The following TMEM158 variants were observed in gnomAD, a reference collection of about 807,000 sequenced individuals.
TMEM158 encodes the protein 40 kDa BINP-binding protein.
Under a neutral mutation model 12.0 loss-of-function variants are expected in TMEM158, and 7 were observed. The ratio of observed to expected loss-of-function variants is 0.59; its 90% CI spans 0.33 to 1.10. The LOEUF (loss-of-function observed/expected upper bound fraction) is 1.10, where lower values mean the gene tolerates loss of function less well. TMEM158 is among the 50% of genes least tolerant of loss of function. TMEM158 has a pLI of 0.03. For synonymous variants in TMEM158, 209 were observed against 231.1 expected, an observed-to-expected ratio of 0.90 and a Z score of 0.87; for missense variants, 405 against 454.7, an observed-to-expected ratio of 0.89 and a Z score of 0.99.
In TMEM158 at chr3:45,225,816, G is replaced by T; in HGVS notation, c.212C>A (p.Ala71Glu). Residue 71 changes from alanine (A) to glutamate (E), a missense_variant, in exon 1 of 1, where the codon GCG becomes GAG. By Grantham distance (107) the Ala-to-Glu change is moderately radical. Transcript: ENST00000503771. The surrounding 1 kb of genome is among the most constrained non-coding windows in gnomAD (Gnocchi z 5.7). Reference sequence around the variant, plus strand: ...CTGCACGCTGATGTTGCACGGCGCCGCCGCCGCCGCCGCCTCCTCCGGGCC... The same window carrying T: ...CTGCACGCTGATGTTGCACGGCGCCTCCGCCGCCGCCGCCTCCTCCGGGCC... ...RPGPEEAAAA[A>E]APCNISVQRQ... 7.6e-7 allele frequency: 1 copy of T among 1,319,438 alleles called. No individual in the cohort carries two copies. The highest frequency in any genetic ancestry group is 1.9e-5 in the South Asian group (1 of 52,668). The allele number at this position is 1,319,438 out of a possible 1,614,324, so 81.7% of individuals were successfully genotyped here. A position where few individuals can be genotyped will look rare whatever the true frequency, so the allele number is the denominator to read the frequency against.
At position 45,225,096 on chromosome 3, in the gene TMEM158, A is replaced by C. The variant is rs1446344192; in HGVS notation, c.*29T>G. On this transcript the variant is annotated 3_prime_UTR_variant, in exon 1 of 1. Coordinates refer to ENST00000503771, the MANE Select transcript of TMEM158 (RefSeq NM_015444.3). This position sits in a 1 kb window ranked among gnomAD's most constrained non-coding sequence, Gnocchi z 5.7. ...GAAAGGCACCCGCGCGCGCGGACAC[A>C]GGACGGACACAGGGAGGAGCGGAGC... 8.9e-6 allele frequency: 11 copies of C among 1,233,112 alleles called. No homozygotes were observed. The East Asian group carries it at 2.3e-4, about 25-fold the overall frequency. 76.4% of individuals were successfully genotyped at this position (1,233,112 alleles called of 1,614,324 possible).
chr3:45,224,535 G>A lies in TMEM158; in HGVS notation c.*590C>T, dbSNP rs1032511647. 3.3e-5 allele frequency: 5 copies of A among 152,632 alleles called. No individual in the cohort carries two copies. In the South Asian group the frequency reaches 8.3e-4, roughly 25 times the overall value. 9.5% of individuals were successfully genotyped at this position (152,632 alleles called of 1,614,324 possible). ...CAAGAAGAAACGCCCACCAGGCCAC[G>A]TCACTGGATAGATCAACTTGGAAAA... On this transcript the variant is annotated 3_prime_UTR_variant, in exon 1 of 1. Coordinates refer to ENST00000503771, the MANE Select transcript of TMEM158 (RefSeq NM_015444.3).
chr3:45,225,964 C>T lies in TMEM158; in HGVS notation c.64G>A (p.Ala22Thr). ...CCGAGGAGGCCGGGCGCGTCCGCGGCCCCGCCGCGGACGGGCGGCAGCGGG... is the reference window on the plus strand; with the variant it reads ...CCGAGGAGGCCGGGCGCGTCCGCGGTCCCGCCGCGGACGGGCGGCAGCGGG... The part of the protein sequence containing the change: ...ACPLPPVRGG[A>T]ADAPGLLGVP... The change falls in exon 1 of 1, where the codon GCC becomes ACC. Residue 22 changes from alanine to threonine, a missense_variant. By Grantham distance (58) the Ala-to-Thr change is moderately conservative. Coordinates refer to ENST00000503771, the MANE Select transcript of TMEM158 (RefSeq NM_015444.3). The surrounding 1 kb of genome is among the most constrained non-coding windows in gnomAD (Gnocchi z 5.7). The T allele has an allele frequency of 1.8e-6, 2 of 1,124,490 alleles. No individual in the cohort carries two copies. The highest frequency in any genetic ancestry group is 2.2e-6 in the Non-Finnish European group (2 of 921,914). 69.7% of individuals were successfully genotyped at this position (1,124,490 alleles called of 1,614,324 possible). A position where few individuals can be genotyped will look rare whatever the true frequency, so the allele number is the denominator to read the frequency against.
chr3:45,225,473 G>A lies in TMEM158; in HGVS notation c.555C>T (p.Pro185=), dbSNP rs1032973632. The A allele has an allele frequency of 7.7e-6, 10 of 1,295,802 alleles. No homozygotes were observed. The highest frequency in any genetic ancestry group is 2.9e-5 in the Admixed American group (1 of 33,952). The allele number at this position is 1,295,802 out of a possible 1,614,324, so 80.3% of individuals were successfully genotyped here. The part of the protein sequence containing the change: ...ALPAYPAAEP[P]GPLWLQGEPL... The stretch of plus-strand genomic sequence containing the variant: ...GCTCGCCCTGCAGCCACAGCGGCCC[G>A]GGCGGCTCGGCCGCGGGGTAGGCTG... Residue 185 remains proline (P), a synonymous_variant, in exon 1 of 1, where the codon CCC becomes CCT. Coordinates refer to ENST00000503771, the MANE Select transcript of TMEM158 (RefSeq NM_015444.3). This position sits in a 1 kb window ranked among gnomAD's most constrained non-coding sequence, Gnocchi z 5.7.
Position 45,225,117 on chromosome 3 carries a change from G to A in TMEM158, c.*8C>T. 3 of 1,251,960 alleles carry A rather than the reference G, an allele frequency of 2.4e-6. No homozygotes were observed. The highest frequency in any genetic ancestry group is 2.0e-6 in the Non-Finnish European group (2 of 1,004,026). The allele number at this position is 1,251,960 out of a possible 1,614,324, so 77.6% of individuals were successfully genotyped here. Reference sequence around the variant, plus strand: ...ACACAGGACGGACACAGGGAGGAGCGGAGCGGGTCACTTGGTCGCCACCCC... The same window carrying A: ...ACACAGGACGGACACAGGGAGGAGCAGAGCGGGTCACTTGGTCGCCACCCC... On this transcript the variant is annotated 3_prime_UTR_variant, in exon 1 of 1. Coordinates refer to ENST00000503771, the MANE Select transcript of TMEM158 (RefSeq NM_015444.3). The surrounding 1 kb of genome is among the most constrained non-coding windows in gnomAD (Gnocchi z 5.7).
Position 45,225,275 on chromosome 3 carries a change from G to A in TMEM158, c.753C>T (p.Phe251=). Residue 251 remains phenylalanine (F), a synonymous_variant, in exon 1 of 1, where the codon TTC becomes TTT. Transcript: ENST00000503771. The surrounding 1 kb of genome is among the most constrained non-coding windows in gnomAD (Gnocchi z 5.7). The part of the protein sequence containing the change: ...LIWPVPIIAG[F]LPNGMEQRRT... ...GGCGCTGTTCCATGCCGTTGGGCAG[G>A]AAGCCGGCGATGATGGGCACCGGCC... is the stretch of plus-strand genomic sequence containing the variant. The A allele has an allele frequency of 7.0e-7, 1 of 1,436,546 alleles. No individual in the cohort carries two copies. 89.0% of individuals were successfully genotyped at this position (1,436,546 alleles called of 1,614,324 possible).
At position 45,225,856 on chromosome 3, in the gene TMEM158, G is replaced by A. The variant is rs1412098237; in HGVS notation, c.172C>T (p.Pro58Ser). 12 of 1,232,300 alleles carry A rather than the reference G, an allele frequency of 9.7e-6. No individual in the cohort carries two copies. Among genetic ancestry groups the A allele is most frequent in the African/African-American group, 1.6e-5 (1 of 61,990 alleles). The allele number at this position is 1,232,300 out of a possible 1,614,324, so 76.3% of individuals were successfully genotyped here. A position where few individuals can be genotyped will look rare whatever the true frequency, so the allele number is the denominator to read the frequency against. Residue 58 changes from proline (P) to serine (S), a missense_variant, in exon 1 of 1, where the codon CCC becomes TCC. Coordinates refer to ENST00000503771, the MANE Select transcript of TMEM158 (RefSeq NM_015444.3). This position sits in a 1 kb window ranked among gnomAD's most constrained non-coding sequence, Gnocchi z 5.7. The stretch of plus-strand genomic sequence containing the variant: ...TCCTCCGGGCCCGGGCGCTCGGGGG[G>A]CCCGGGGGCCGCCGAGGCCAGCAGC... ...PRLLASAAPGPPERPGPEEAA... is the reference protein window; with the variant it reads ...PRLLASAAPGSPERPGPEEAA...
Position 45,225,990 on chromosome 3 carries a change from C to A in TMEM158, c.38G>T (p.Cys13Phe). 3 of 1,072,566 alleles carry A rather than the reference C, an allele frequency of 2.8e-6. No homozygotes were observed. The highest frequency in any genetic ancestry group is 3.4e-6 in the Non-Finnish European group (3 of 889,418). The allele number at this position is 1,072,566 out of a possible 1,614,324, so 66.4% of individuals were successfully genotyped here. Residue 13 changes from cysteine to phenylalanine, a missense_variant, in exon 1 of 1, where the codon TGC becomes TTC. Physicochemically the swap from Cys to Phe is radical, Grantham distance 205 (BLOSUM62 -2). Coordinates refer to ENST00000503771, the MANE Select transcript of TMEM158 (RefSeq NM_015444.3). The surrounding 1 kb of genome is among the most constrained non-coding windows in gnomAD (Gnocchi z 5.7). ...CCCGCCGCGGACGGGCGGCAGCGGG[C>A]AGGCGGCGGCCAGGAGCGCGGCGAG... Reference protein sequence around the residue: ...PLLAALLAAACPLPPVRGGAA... With the variant: ...PLLAALLAAAFPLPPVRGGAA...
In TMEM158 at chr3:45,225,679, A is replaced by C; in HGVS notation, c.349T>G (p.Phe117Val). 6.9e-7 allele frequency: 1 copy of C among 1,457,592 alleles called. No individual in the cohort carries two copies. The highest frequency in any genetic ancestry group is 9.1e-7 in the Non-Finnish European group (1 of 1,102,280). 90.3% of individuals were successfully genotyped at this position (1,457,592 alleles called of 1,614,324 possible). Residue 117 changes from phenylalanine to valine, a missense_variant, in exon 1 of 1, where the codon TTC becomes GTC. Physicochemically the swap from Phe to Val is conservative, Grantham distance 50. Transcript: ENST00000503771. The surrounding 1 kb of genome is among the most constrained non-coding windows in gnomAD (Gnocchi z 5.7). ...AGCAGCGGCGGCCCGACGCGGTGGAAGGCGGCGGCGAAGAAAGCGCGGCCG... is the reference window on the plus strand; with the variant it reads ...AGCAGCGGCGGCCCGACGCGGTGGACGGCGGCGGCGAAGAAAGCGCGGCCG... ...AHGRAFFAAA[F>V]HRVGPPLLIE...
chr3:45,225,494 G>C lies in TMEM158; in HGVS notation c.534C>G (p.Ala178=). The C allele has an allele frequency of 4.2e-6, 5 of 1,203,276 alleles. No individual in the cohort carries two copies. Among genetic ancestry groups the C allele is most frequent in the Non-Finnish European group, 5.2e-6 (5 of 961,222 alleles). The allele number at this position is 1,203,276 out of a possible 1,614,324, so 74.5% of individuals were successfully genotyped here. ...GCCCGGGCGGCTCGGCCGCGGGGTA[G>C]GCTGGCAGCGCGGTGGGCGCCCCGG... The part of the protein sequence containing the change: ...ATAGAPTALP[A]YPAAEPPGPL... Residue 178 remains alanine, a synonymous_variant, in exon 1 of 1, where the codon GCC becomes GCG. Transcript: ENST00000503771. This position sits in a 1 kb window ranked among gnomAD's most constrained non-coding sequence, Gnocchi z 5.7.
Position 45,225,105 on chromosome 3 carries a change from A to G in TMEM158, c.*20T>C. 1 of 1,243,700 alleles carries G rather than the reference A, an allele frequency of 8.0e-7. No individual in the cohort carries two copies. Among genetic ancestry groups the G allele is most frequent in the Non-Finnish European group, 1.0e-6 (1 of 998,394 alleles). The allele number at this position is 1,243,700 out of a possible 1,614,324, so 77.0% of individuals were successfully genotyped here. On this transcript the variant is annotated 3_prime_UTR_variant, in exon 1 of 1. Transcript: ENST00000503771. This position sits in a 1 kb window ranked among gnomAD's most constrained non-coding sequence, Gnocchi z 5.7. Reference sequence around the variant, plus strand: ...CCGCGCGCGCGGACACAGGACGGACACAGGGAGGAGCGGAGCGGGTCACTT... The same window carrying G: ...CCGCGCGCGCGGACACAGGACGGACGCAGGGAGGAGCGGAGCGGGTCACTT...
In TMEM158 at chr3:45,225,829, C is replaced by T. The variant is rs395917; in HGVS notation, c.199G>A (p.Ala67Thr). ...TTGCACGGCGCCGCCGCCGCCGCCG[C>T]CTCCTCCGGGCCCGGGCGCTCGGGG... Reference protein sequence around the residue: ...GPPERPGPEEAAAAAAPCNIS... With the variant: ...GPPERPGPEETAAAAAPCNIS... Residue 67 changes from alanine (A) to threonine (T), a missense_variant, in exon 1 of 1, where the codon GCG becomes ACG. Coordinates refer to ENST00000503771, the MANE Select transcript of TMEM158 (RefSeq NM_015444.3). This position sits in a 1 kb window ranked among gnomAD's most constrained non-coding sequence, Gnocchi z 5.7. 0.77 allele frequency: 992,130 copies of T among 1,287,092 alleles called. 390,779 individuals carry two copies. The highest frequency in any genetic ancestry group is 0.82 in the East Asian group (24,726 of 29,974). The allele number at this position is 1,287,092 out of a possible 1,614,324, so 79.7% of individuals were successfully genotyped here.
At position 45,225,936 on chromosome 3, in the gene TMEM158, A is replaced by T. The variant is rs1700155442; in HGVS notation, c.92T>A (p.Val31Glu). ...CGCGTTGACTGAAGCATTGGAGGGCACCCCGAGGAGGCCGGGCGCGTCCGC... is the reference window on the plus strand; with the variant it reads ...CGCGTTGACTGAAGCATTGGAGGGCTCCCCGAGGAGGCCGGGCGCGTCCGC... Reference protein sequence around the residue: ...GAADAPGLLGVPSNASVNASS... With the variant: ...GAADAPGLLGEPSNASVNASS... The change falls in exon 1 of 1, where the codon GTG becomes GAG. Residue 31 changes from valine to glutamate, a missense_variant. Val to Glu is a moderately radical substitution (Grantham distance 121). Coordinates refer to ENST00000503771, the MANE Select transcript of TMEM158 (RefSeq NM_015444.3). This position sits in a 1 kb window ranked among gnomAD's most constrained non-coding sequence, Gnocchi z 5.7. 2 of 1,139,046 alleles carry T rather than the reference A, an allele frequency of 1.8e-6. No homozygotes were observed. Among genetic ancestry groups the T allele is most frequent in the South Asian group, 4.2e-5 (1 of 23,598 alleles). The allele number at this position is 1,139,046 out of a possible 1,614,324, so 70.6% of individuals were successfully genotyped here. A position where few individuals can be genotyped will look rare whatever the true frequency, so the allele number is the denominator to read the frequency against.
chr3:45,225,708 G>T lies in TMEM158; in HGVS notation c.320C>A (p.Ala107Glu). The change falls in exon 1 of 1, where the codon GCG becomes GAG. Residue 107 changes from alanine (A) to glutamate (E), a missense_variant. Coordinates refer to ENST00000503771, the MANE Select transcript of TMEM158 (RefSeq NM_015444.3). The surrounding 1 kb of genome is among the most constrained non-coding windows in gnomAD (Gnocchi z 5.7). ...QCDLLLFSTN[A>E]HGRAFFAAAF... ...GGCGGCGAAGAAAGCGCGGCCGTGCGCGTTGGTGGAGAAGAGCAGTAGGTC... is the reference window on the plus strand; with the variant it reads ...GGCGGCGAAGAAAGCGCGGCCGTGCTCGTTGGTGGAGAAGAGCAGTAGGTC... 6.8e-7 allele frequency: 1 copy of T among 1,465,126 alleles called. No homozygotes were observed. The allele number at this position is 1,465,126 out of a possible 1,614,324, so 90.8% of individuals were successfully genotyped here. A position where few individuals can be genotyped will look rare whatever the true frequency, so the allele number is the denominator to read the frequency against.
In TMEM158 at chr3:45,225,003, G is replaced by C. The variant is rs907589135; in HGVS notation, c.*122C>G. 8.4e-7 allele frequency: 1 copy of C among 1,190,444 alleles called. No individual in the cohort carries two copies. Among genetic ancestry groups the C allele is most frequent in the African/African-American group, 1.6e-5 (1 of 62,838 alleles). The allele number at this position is 1,190,444 out of a possible 1,614,324, so 73.7% of individuals were successfully genotyped here. Reference sequence around the variant, plus strand: ...TTCAAAGGCGCTGGGGTCTCTCGGCGGCCCCATCTCGGGAAGAGGAACTAA... The same window carrying C: ...TTCAAAGGCGCTGGGGTCTCTCGGCCGCCCCATCTCGGGAAGAGGAACTAA... On this transcript the variant is annotated 3_prime_UTR_variant, in exon 1 of 1. Transcript: ENST00000503771. This position sits in a 1 kb window ranked among gnomAD's most constrained non-coding sequence, Gnocchi z 5.7.
chr3:45,225,661 G>T lies in TMEM158; in HGVS notation c.367C>A (p.Pro123Thr). Reference sequence around the variant, plus strand: ...AGCCCCAGGTGCTCGATGAGCAGCGGCGGCCCGACGCGGTGGAAGGCGGCG... The same window carrying T: ...AGCCCCAGGTGCTCGATGAGCAGCGTCGGCCCGACGCGGTGGAAGGCGGCG... ...FAAAFHRVGP[P>T]LLIEHLGLAA... Residue 123 changes from proline to threonine, a missense_variant, in exon 1 of 1, where the codon CCG becomes ACG. By Grantham distance (38) the Pro-to-Thr change is conservative. Transcript: ENST00000503771. This position sits in a 1 kb window ranked among gnomAD's most constrained non-coding sequence, Gnocchi z 5.7. The T allele has an allele frequency of 6.9e-7, 1 of 1,447,706 alleles. No individual in the cohort carries two copies. The highest frequency in any genetic ancestry group is 9.1e-7 in the Non-Finnish European group (1 of 1,097,366). 89.7% of individuals were successfully genotyped at this position (1,447,706 alleles called of 1,614,324 possible).
Position 45,225,495 on chromosome 3 carries a change from G to T in TMEM158, c.533C>A (p.Ala178Asp). 8.3e-7 allele frequency: 1 copy of T among 1,201,398 alleles called. No homozygotes were observed. 74.4% of individuals were successfully genotyped at this position (1,201,398 alleles called of 1,614,324 possible). A position where few individuals can be genotyped will look rare whatever the true frequency, so the allele number is the denominator to read the frequency against. The change falls in exon 1 of 1, where the codon GCC becomes GAC. Residue 178 changes from alanine to aspartate, a missense_variant. Ala to Asp is a moderately radical substitution (Grantham distance 126). Transcript: ENST00000503771. The surrounding 1 kb of genome is among the most constrained non-coding windows in gnomAD (Gnocchi z 5.7). ...ATAGAPTALP[A>D]YPAAEPPGPL... is the part of the protein sequence containing the mutation. Reference sequence around the variant, plus strand: ...CCCGGGCGGCTCGGCCGCGGGGTAGGCTGGCAGCGCGGTGGGCGCCCCGGC... The same window carrying T: ...CCCGGGCGGCTCGGCCGCGGGGTAGTCTGGCAGCGCGGTGGGCGCCCCGGC...
In TMEM158 at chr3:45,225,010, T is replaced by G; in HGVS notation, c.*115A>C. On this transcript the variant is annotated 3_prime_UTR_variant, in exon 1 of 1. Transcript: ENST00000503771. This position sits in a 1 kb window ranked among gnomAD's most constrained non-coding sequence, Gnocchi z 5.7. ...GCGCTGGGGTCTCTCGGCGGCCCCA[T>G]CTCGGGAAGAGGAACTAACGATAAC... The G allele has an allele frequency of 8.4e-7, 1 of 1,193,118 alleles. No homozygotes were observed. The highest frequency in any genetic ancestry group is 1.0e-6 in the Non-Finnish European group (1 of 962,986). 73.9% of individuals were successfully genotyped at this position (1,193,118 alleles called of 1,614,324 possible). A position where few individuals can be genotyped will look rare whatever the true frequency, so the allele number is the denominator to read the frequency against.
Position 45,225,547 on chromosome 3 carries a change from C to T in TMEM158, c.481G>A (p.Ala161Thr), listed in dbSNP as rs1036074178. 5 of 1,027,990 alleles carry T rather than the reference C, an allele frequency of 4.9e-6. No homozygotes were observed. In the African/African-American group the frequency reaches 8.7e-5, roughly 18 times the overall value. The allele number at this position is 1,027,990 out of a possible 1,614,324, so 63.7% of individuals were successfully genotyped here. ...GTGGCGGCGGCGGCGCTGGGGGCGG[C>T]GGCGGGCCGGAGGCGGCCGGTGCGG... ...GRRTGRLRPA[A>T]APSAAAATAG... Residue 161 changes from alanine to threonine, a missense_variant, in exon 1 of 1, where the codon GCC becomes ACC. Transcript: ENST00000503771. The surrounding 1 kb of genome is among the most constrained non-coding windows in gnomAD (Gnocchi z 5.7).
Sources: gnomAD v4.1 joint callset for allele counts on GRCh38, gnomAD v4.1.1 for gene constraint, Gnocchi (gnomAD v3.1) non-coding constraint, MANE v1.5 for transcripts, NCBI Gene and HGNC (gene_info 2026-07-23, HGNC 2026-07-21) for gene names.